ACVR1C: variants seen among roughly 807,000 people sequenced by gnomAD.
ACVR1C encodes the protein activin A receptor type 1C.
In ACVR1C, 23 loss-of-function variants were observed where a neutral mutation model predicts 57.9. The ratio of observed to expected loss-of-function variants is 0.40; its 90% confidence interval spans 0.29 to 0.56. The LOEUF is 0.56. Ranked by LOEUF, ACVR1C falls within the 20% of genes least tolerant of loss-of-function variation. ACVR1C has a pLI of 0.50. For synonymous variants in ACVR1C, 214 were observed against 215.3 expected (o/e 0.99, Z 0.05); for missense variants, 480 against 607.9 (o/e 0.79, Z 2.21).
At chr2:157,572,660 A>C (rs544899531) in intron 2 of ACVR1C, among the ~76,000 whole-genome samples, 1 of 152,216 alleles carries the variant, frequency 6.6e-6, no homozygotes, top group Non-Finnish European at 1.5e-5. Context: ...TTCCTATTAC[A>C]TCTCTATGAA....
intron 2 of ACVR1C, among the ~76,000 whole-genome samples, chr2:157,580,688 G>T (rs1688769826): frequency 6.6e-6 from 1 of 151,844 alleles, no homozygotes; most frequent in Admixed American, 6.6e-5. Flanking sequence ...ATCCAGAGAG[G>T]GGATTGAGCA....
intron 4 of ACVR1C, among the ~76,000 whole-genome samples, chr2:157,546,602 T>C (rs564068925): frequency 6.6e-6 from 1 of 152,272 alleles, no homozygotes; most frequent in South Asian, 2.1e-4. Context: ...AAGTTCTTCA[T>C]GAGTATTACT....
At chr2:157,615,116 T>A (rs998621130) in intron 1 of ACVR1C, among the ~76,000 whole-genome samples, 6 of 152,122 alleles carry the variant, frequency 3.9e-5, no homozygotes, top group Admixed American at 6.5e-5. Flanking sequence ...ATATTTTTAT[T>A]CCATTTTATT....
intron 1 of ACVR1C, among the ~76,000 whole-genome samples, chr2:157,597,933 A>T (rs1398136328): frequency 6.6e-6 from 1 of 152,230 alleles, no homozygotes; most frequent in African/African-American, 2.4e-5. Flanking sequence ...AAAAGATTCC[A>T]CCTATCCAAA....
chr2:157,559,697 G>C (rs1183487395), intron 2 of ACVR1C, among the ~76,000 whole-genome samples: 1 of 152,086 alleles, frequency 6.6e-6, no homozygotes, highest in Non-Finnish European at 1.5e-5. Context: ...GTTAATTCAA[G>C]TGATTTCACT....
intron 2 of ACVR1C, among the ~76,000 whole-genome samples, chr2:157,586,929 T>C (rs1475970293): frequency 6.6e-6 from 1 of 152,184 alleles, no homozygotes; most frequent in Non-Finnish European, 1.5e-5. Flanking sequence ...GGTTCATTAA[T>C]CATTTCAAAA....
At chr2:157,535,011 A>G (rs1341314119) in intron 8 of ACVR1C, among the ~76,000 whole-genome samples, 1 of 151,974 alleles carries the variant, frequency 6.6e-6, no homozygotes, top group Non-Finnish European at 1.5e-5. Flanking sequence ...TTAAAAACTT[A>G]GCCAGGCATG....
rs955440771 is a variant in ACVR1C, at chr2:157,529,661, T to A, written c.*4257A>T. 2 of 152,028 alleles carry A rather than the reference T, an allele frequency of 1.3e-5. No individual in the cohort carries two copies. The highest frequency in any genetic ancestry group is 4.8e-5 in the African/African-American group (2 of 41,410). The allele number at this position is 152,028 out of a possible 1,614,324, so 9.4% of individuals were successfully genotyped here. ...CTCTGAGAGTACTAAGGGATTCTCT[T>A]TCATTAGAAGGCTAAATTCCAGACG... On this transcript the variant is annotated 3_prime_UTR_variant, in exon 9 of 9. Transcript: ENST00000243349.
chr2:157,542,135 A>G (rs1687639967), intron 6 of ACVR1C, among the ~76,000 whole-genome samples: 1 of 152,224 alleles, frequency 6.6e-6, no homozygotes, highest in East Asian at 1.9e-4. Flanking sequence ...AATTCATATT[A>G]TCTTAATACA....
intron 4 of ACVR1C, among the ~76,000 whole-genome samples, chr2:157,546,854 A>T (rs1687767116): frequency 2.6e-5 from 4 of 152,046 alleles, no homozygotes; most frequent in African/African-American, 7.2e-5. Context: ...TTTAGGGTAC[A>T]TGTGCACATT....
intron 2 of ACVR1C, among the ~76,000 whole-genome samples, chr2:157,566,590 A>G (rs1265790946): frequency 1.3e-5 from 2 of 152,072 alleles, no homozygotes; most frequent in African/African-American, 4.8e-5. Context: ...GAGTCAAAGA[A>G]AGGGGTGATG....
intron 6 of ACVR1C, among the ~76,000 whole-genome samples, 158 bp from the exon 7 acceptor site, chr2:157,541,372 G>A (rs1332855832): frequency 6.6e-6 from 1 of 152,154 alleles, no homozygotes; most frequent in Non-Finnish European, 1.5e-5. Context: ...CAACCATCAA[G>A]TGTGTTCAGC....
intron 1 of ACVR1C, among the ~76,000 whole-genome samples, chr2:157,622,854 C>G (rs1682812999): frequency 6.6e-6 from 1 of 151,906 alleles, no homozygotes; most frequent in South Asian, 2.1e-4. Flanking sequence ...TGCAAACTAC[C>G]CCTCTCACAA....
rs527955430 is a variant in ACVR1C, at chr2:157,621,704, G to A, written c.73+6868C>T. The stretch of plus-strand genomic sequence containing the variant: ...GCAGTCGCCCCTGAAATTATTGCCT[G>A]GAACTCCTGCCAGTTTCCATGAGAC... On this transcript the variant is annotated intron_variant, in intron 1 of 8. Coordinates refer to ENST00000243349, the MANE Select transcript of ACVR1C (RefSeq NM_145259.3). 4.6e-5 allele frequency among the ~76,000 whole-genome samples: 7 copies of A among 152,210 alleles called. No individual in the cohort carries two copies. In the East Asian group the frequency reaches 1.4e-3, roughly 29 times the overall value.
At chr2:157,597,538 C>T in intron 1 of ACVR1C, 1 of 985,454 alleles carries the variant, frequency 1.0e-6, no homozygotes, top group Non-Finnish European at 1.2e-6. Flanking sequence ...GGGGCTCGGC[C>T]ACCTGCCCGA....
chr2:157,542,337 T>A (rs536273173), intron 6 of ACVR1C, among the ~76,000 whole-genome samples: 2 of 152,254 alleles, frequency 1.3e-5, no homozygotes, highest in South Asian at 4.1e-4. Context: ...TAGTCCTGAG[T>A]TTCAGTTCAT....
chr2:157,593,698 C>T lies in ACVR1C; in HGVS notation c.74-6281G>A, dbSNP rs564521148. Among the ~76,000 whole-genome samples the T allele has an allele frequency of 4.6e-5, 7 of 152,220 alleles. No homozygotes were observed. The South Asian group carries it at 1.2e-3, about 27-fold the overall frequency. Reference sequence around the variant, plus strand: ...AAAGCCAGACAGGGTCAAAGGAAATCGGGCAAAGATCTAGCTTCCTTTTCT... The same window carrying T: ...AAAGCCAGACAGGGTCAAAGGAAATTGGGCAAAGATCTAGCTTCCTTTTCT... On this transcript the variant is annotated intron_variant, in intron 1 of 8. Transcript: ENST00000243349.
rs1687279608 is a variant in ACVR1C, at chr2:157,528,338, G to A, written c.*5580C>T. The A allele has an allele frequency of 6.6e-6, 1 of 152,146 alleles. No individual in the cohort carries two copies. The highest frequency in any genetic ancestry group is 2.1e-4 in the South Asian group (1 of 4,826). 9.4% of individuals were successfully genotyped at this position (152,146 alleles called of 1,614,324 possible). A position where few individuals can be genotyped will look rare whatever the true frequency, so the allele number is the denominator to read the frequency against. ...AAAATTCAGATTAACATAACCCACAGTAAACTCTTGCAGTTAAAACTGTTA... is the reference window on the plus strand; with the variant it reads ...AAAATTCAGATTAACATAACCCACAATAAACTCTTGCAGTTAAAACTGTTA... On this transcript the variant is annotated 3_prime_UTR_variant, in exon 9 of 9. Coordinates refer to ENST00000243349, the MANE Select transcript of ACVR1C (RefSeq NM_145259.3).
intron 7 of ACVR1C, among the ~76,000 whole-genome samples, chr2:157,540,416 AAT>A (rs1280854536): frequency 4.0e-5 from 6 of 151,414 alleles, no homozygotes; most frequent in Non-Finnish European, 8.8e-5. Flanking sequence ...GCTGGAGTGC[AAT>A]GGCGCAATCT....
Sources: gnomAD v4.1 joint callset for allele counts (sites outside exome capture counted in the v4.1 genomes callset) on GRCh38, gnomAD v4.1.1 for gene constraint, MANE v1.5 for transcripts, NCBI Gene and HGNC (gene_info 2026-07-23, HGNC 2026-07-21) for gene names.